RARB: variants seen among roughly 807,000 people sequenced by gnomAD.
The protein encoded by RARB is retinoic acid receptor beta.
Under a neutral mutation model 51.9 loss-of-function variants are expected in RARB, and 17 were observed. The ratio of observed to expected loss-of-function variants is 0.33; its 90% CI spans 0.22 to 0.49. The LOEUF is 0.49. Among genes scored for constraint, RARB ranks in the 20% least tolerant of loss-of-function variants. The pLI is 0.99. For synonymous variants in RARB, 215 were observed against 195.4 expected (o/e 1.10, Z -0.84); for missense variants, 369 against 550.8 (o/e 0.67, Z 3.30).
chr3:24,958,264 T>TTTG (rs1696063582), intron 2 of RARB, among the ~76,000 whole-genome samples: 2 of 117,556 alleles, frequency 1.7e-5, no homozygotes, highest in African/African-American at 8.2e-5. Flanking sequence ...GGTTTTTTTT[T>TTTG]TTTTTTTTTT....
chr3:24,907,861 T>C (rs1694899241), intron 2 of RARB, among the ~76,000 whole-genome samples: 1 of 152,136 alleles, frequency 6.6e-6, no homozygotes, highest in Admixed American at 6.5e-5. Context: ...AGGGATCTAG[T>C]AAGCAATATT....
chr3:24,945,537 T>C (rs941584956), intron 2 of RARB, among the ~76,000 whole-genome samples: 4 of 152,360 alleles, frequency 2.6e-5, no homozygotes, highest in African/African-American at 7.2e-5. Flanking sequence ...AGCTTGCCTC[T>C]CTCCTGTGAT....
intron 2 of RARB, among the ~76,000 whole-genome samples, chr3:25,008,750 C>T (rs952656010): frequency 6.6e-6 from 1 of 152,100 alleles, no homozygotes; most frequent in Non-Finnish European, 1.5e-5. Flanking sequence ...CCTATCTCCT[C>T]AACCCTGCCT....
chr3:24,957,972 T>C (rs993739227), intron 2 of RARB, among the ~76,000 whole-genome samples: 5 of 152,324 alleles, frequency 3.3e-5, no homozygotes, highest in Admixed American at 6.5e-5. Flanking sequence ...TGAGAATGTA[T>C]TGACTTTTTC....
chr3:24,873,575 T>A (rs184216863), intron 2 of RARB, among the ~76,000 whole-genome samples: 1 of 152,156 alleles, frequency 6.6e-6, no homozygotes, highest in African/African-American at 2.4e-5. Context: ...TAAGTTTTTT[T>A]AATTCTTCAA....
chr3:25,474,976 G>C (rs923846352), intron 2 of RARB, among the ~76,000 whole-genome samples: 2 of 152,064 alleles, frequency 1.3e-5, no homozygotes, highest in Non-Finnish European at 2.9e-5. Flanking sequence ...ATTTGTGACA[G>C]GTAAGATCTG....
intron 3 of RARB, chr3:25,060,239 T>C (rs907142344): frequency 6.6e-6 from 1 of 151,820 alleles, no homozygotes; most frequent in Non-Finnish European, 1.5e-5. Context: ...ATGGAAGTTC[T>C]CCATAATCTA....
At chr3:25,332,476 C>G (rs531866623) in intron 5 of RARB, among the ~76,000 whole-genome samples, 87 of 152,288 alleles carry the variant, frequency 5.7e-4, no homozygotes, top group Middle Eastern at 3.4e-3. Flanking sequence ...AATTCAACAG[C>G]CCTTCATGCT....
At chr3:25,242,088 T>G (rs550329817) in intron 5 of RARB, among the ~76,000 whole-genome samples, 3 of 152,310 alleles carry the variant, frequency 2.0e-5, no homozygotes, top group African/African-American at 7.2e-5. Context: ...TCATATGTTT[T>G]TTGGCCACAT....
rs3836380 is a variant in RARB, at chr3:25,594,838, T to TAAA, written c.1150+174_1150+176dup. 4.9e-3 allele frequency among the ~76,000 whole-genome samples: 641 copies of TAAA among 130,902 alleles called. 6 individuals carry two copies. Among genetic ancestry groups the TAAA allele is most frequent in the African/African-American group, 0.016 (562 of 36,058 alleles). The allele number at this position is 130,902 out of a possible 152,430, so 85.9% of individuals were successfully genotyped here. A position where few individuals can be genotyped will look rare whatever the true frequency, so the allele number is the denominator to read the frequency against. ...AAGGAAATACTATCCCTCCCCCCTC[T>TAAA]AAAAAAAAAAAAAAAACACCTCAAA... On this transcript the variant is annotated intron_variant, in intron 7 of 7. Transcript: ENST00000330688.
chr3:25,558,555 CCT>C (rs1700149161), intron 3 of RARB, among the ~76,000 whole-genome samples: 1 of 138,932 alleles, frequency 7.2e-6, no homozygotes, highest in Non-Finnish European at 1.5e-5. Flanking sequence ...TTTTATCTTT[CCT>C]CTCTCTCACC....
At chr3:24,889,886 C>T (rs1575056122) in intron 2 of RARB, among the ~76,000 whole-genome samples, 2 of 149,716 alleles carry the variant, frequency 1.3e-5, no homozygotes, top group East Asian at 1.9e-4. Flanking sequence ...TAAGAAGTTA[C>T]CTTCAGGATA....
At chr3:25,235,950 T>C (rs1252319150) in intron 5 of RARB, among the ~76,000 whole-genome samples, 1 of 152,204 alleles carries the variant, frequency 6.6e-6, no homozygotes, top group African/African-American at 2.4e-5. Context: ...AACTCTAGGA[T>C]TGTAAAAATC....
At chr3:25,278,518 C>T (rs1206332027) in intron 5 of RARB, among the ~76,000 whole-genome samples, 2 of 152,184 alleles carry the variant, frequency 1.3e-5, no homozygotes, top group African/African-American at 4.8e-5. Flanking sequence ...TGTCTCTATA[C>T]AGGGGTACTG....
At chr3:24,923,458 T>C (rs894239422) in intron 2 of RARB, among the ~76,000 whole-genome samples, 2 of 152,188 alleles carry the variant, frequency 1.3e-5, no homozygotes, top group Non-Finnish European at 2.9e-5. Context: ...AATTATAGAA[T>C]CGTTATTTTA....
intron 5 of RARB, among the ~76,000 whole-genome samples, chr3:25,586,341 G>C (rs1419080832): frequency 6.6e-6 from 1 of 152,226 alleles, no homozygotes; most frequent in Non-Finnish European, 1.5e-5. Context: ...TTTCCCAAAA[G>C]CTTCTCCCCC....
chr3:25,588,384 G>A (rs907350965), intron 5 of RARB, among the ~76,000 whole-genome samples: 10 of 152,294 alleles, frequency 6.6e-5, no homozygotes, highest in East Asian at 1.9e-4. Context: ...CAAAGGAGCC[G>A]GTAGGTGCTG....
chr3:24,834,841 T>A (rs1487825646), intron 1 of RARB, among the ~76,000 whole-genome samples: 1 of 152,258 alleles, frequency 6.6e-6, no homozygotes, highest in Admixed American at 6.5e-5. Context: ...TGATCCTGGC[T>A]TTTGCTTTTG....
intron 1 of RARB, among the ~76,000 whole-genome samples, chr3:25,434,864 A>G (rs963206288): frequency 1.3e-5 from 2 of 152,016 alleles, no homozygotes; most frequent in African/African-American, 4.8e-5. Flanking sequence ...GAAAGTACAA[A>G]GTTCCCATCC....
Sources: gnomAD v4.1 joint callset for allele counts (sites outside exome capture counted in the v4.1 genomes callset) on GRCh38, gnomAD v4.1.1 for gene constraint, MANE v1.5 for transcripts, NCBI Gene and HGNC (gene_info 2026-07-23, HGNC 2026-07-21) for gene names.